The following RALGAPB variants were observed in gnomAD, a reference collection of about 807,000 sequenced individuals.
The protein encoded by RALGAPB is ral GTPase-activating protein subunit beta.
In RALGAPB, 25 loss-of-function variants were observed where a neutral mutation model predicts 161.1. The ratio of observed to expected loss-of-function variants is 0.16; its 90% CI spans 0.11 to 0.22. RALGAPB has a LOEUF of 0.22. Ranked by LOEUF, RALGAPB falls within the 10% of genes least tolerant of loss-of-function variation. The probability of loss-of-function intolerance (pLI) is 1.00; values close to 1 mark genes in which losing one functional copy is unlikely to be tolerated. For synonymous variants in RALGAPB, 629 were observed against 626.1 expected, an observed-to-expected ratio of 1.00 and a Z score of -0.07; for missense variants, 1,391 against 1,815.2, an observed-to-expected ratio of 0.77 and a Z score of 4.25.
In RALGAPB at chr20:38,576,430, C is replaced by T. The variant is rs2088439144; in HGVS notation, c.*1463C>T. On this transcript the variant is annotated 3_prime_UTR_variant, in exon 30 of 30. Transcript: ENST00000262879. ...GAGACCTAATTCCCTGTGCAAATGT[C>T]TCTTATTCCAGAAATGTGCATTTTG... 6.6e-6 allele frequency: 1 copy of T among 152,446 alleles called. No individual in the cohort carries two copies. Among genetic ancestry groups the T allele is most frequent in the Admixed American group, 6.5e-5 (1 of 15,268 alleles). The allele number at this position is 152,446 out of a possible 1,614,324, so 9.4% of individuals were successfully genotyped here.
At chr20:38,571,475 C>T (rs1216860525) in intron 28 of RALGAPB, among the ~76,000 whole-genome samples, 2 of 152,108 alleles carry the variant, frequency 1.3e-5, no homozygotes, top group Non-Finnish European at 1.5e-5. Flanking sequence ...TGGAATTTGT[C>T]TTTTTGTGCC....
chr20:38,492,826 T>C (rs2085317237), intron 2 of RALGAPB, 104 bp from the exon 3 acceptor site: 2 of 880,500 alleles, frequency 2.3e-6, no homozygotes, highest in Non-Finnish European at 3.6e-6. Context: ...ACGAATATAC[T>C]GTCAATTTAG....
intron 1 of RALGAPB, among the ~76,000 whole-genome samples, chr20:38,484,534 GT>G (rs930479505): frequency 2.0e-5 from 3 of 152,104 alleles, no homozygotes; most frequent in African/African-American, 4.8e-5. Flanking sequence ...CTGACATTGT[GT>G]TTTTTTGTTT....
At position 38,521,531 on chromosome 20, in the gene RALGAPB, G is replaced by C; in HGVS notation, c.1452G>C (p.Arg484=). Residue 484 remains arginine (R), a synonymous_variant, in exon 10 of 30, where the codon CGG becomes CGC. Coordinates refer to ENST00000262879, the MANE Select transcript of RALGAPB (RefSeq NM_020336.4). ...ITTQASMEFR[R]KGSQMSTDTM... Reference sequence around the variant, plus strand: ...CACAAGCTAGCATGGAGTTTCGACGGAAAGGGTCACAAATGTCCACAGACA... The same window carrying C: ...CACAAGCTAGCATGGAGTTTCGACGCAAAGGGTCACAAATGTCCACAGACA... 2 of 1,614,086 alleles carry C rather than the reference G, an allele frequency of 1.2e-6. No homozygotes were observed. Among genetic ancestry groups the C allele is most frequent in the South Asian group, 1.1e-5 (1 of 91,074 alleles).
intron 1 of RALGAPB, among the ~76,000 whole-genome samples, chr20:38,485,824 T>C (rs2085096437): frequency 6.6e-6 from 1 of 152,220 alleles, no homozygotes; most frequent in African/African-American, 2.4e-5. Flanking sequence ...CTCTTCATTG[T>C]TTTACTTAAT....
intron 13 of RALGAPB, among the ~76,000 whole-genome samples, chr20:38,526,624 C>T (rs1357965199): frequency 6.6e-6 from 1 of 152,180 alleles, no homozygotes. Context: ...ACAATACTTG[C>T]TAAAGATTAT....
intron 28 of RALGAPB, among the ~76,000 whole-genome samples, chr20:38,571,066 T>G (rs1029098824): frequency 2.0e-5 from 3 of 152,194 alleles, no homozygotes; most frequent in Non-Finnish European, 4.4e-5. Flanking sequence ...CTGATTGACT[T>G]GTTAAAAGCT....
chr20:38,525,533 A>G lies in RALGAPB; in HGVS notation c.1902+15A>G. 2 of 1,533,664 alleles carry G rather than the reference A, an allele frequency of 1.3e-6. No individual in the cohort carries two copies. Among genetic ancestry groups the G allele is most frequent in the East Asian group, 4.5e-5 (2 of 44,418 alleles). Reference sequence around the variant, plus strand: ...TCAAATCTGAGGTAATGTTTTGTTAAAGTTTTTTTATATCCTATATTCTGT... The same window carrying G: ...TCAAATCTGAGGTAATGTTTTGTTAGAGTTTTTTTATATCCTATATTCTGT... On this transcript the variant is annotated intron_variant, in intron 12 of 29. Coordinates refer to ENST00000262879, the MANE Select transcript of RALGAPB (RefSeq NM_020336.4).
At chr20:38,551,015 A>C in intron 20 of RALGAPB, 56 bp from the exon 21 acceptor site, 1 of 1,564,974 alleles carries the variant, frequency 6.4e-7, no homozygotes, top group Non-Finnish European at 8.7e-7. Context: ...AATACATGTC[A>C]TTACAGATGG....
chr20:38,546,490 A>G (rs751899562), intron 19 of RALGAPB, 60 bp downstream of exon 19: 1 of 1,595,816 alleles, frequency 6.3e-7, no homozygotes, highest in Non-Finnish European at 8.6e-7. Context: ...AGTACCATGA[A>G]GCTGTTTCCA....
At chr20:38,492,850 T>TA (rs1213770599) in intron 2 of RALGAPB, 80 bp from the exon 3 acceptor site, 1 of 1,188,528 alleles carries the variant, frequency 8.4e-7, no homozygotes, top group Non-Finnish European at 1.2e-6. Context: ...TTTTTGGCAA[T>TA]AAAAGAGATT....
At chr20:38,491,539 T>C (rs1168418757) in intron 2 of RALGAPB, among the ~76,000 whole-genome samples, 2 of 152,250 alleles carry the variant, frequency 1.3e-5, no homozygotes, top group African/African-American at 4.8e-5. Context: ...TCTAGATTTC[T>C]TGCTAACACC....
chr20:38,480,198 A>G (rs1457534116), intron 1 of RALGAPB, among the ~76,000 whole-genome samples: 1 of 151,466 alleles, frequency 6.6e-6, no homozygotes, highest in African/African-American at 2.4e-5. Flanking sequence ...TACTGAATTA[A>G]TTACAAATAT....
At chr20:38,547,952 C>G (rs572265995) in intron 19 of RALGAPB, 3 of 152,290 alleles carry the variant, frequency 2.0e-5, no homozygotes, top group African/African-American at 7.2e-5. Context: ...CTCCTACTTT[C>G]ATTCCAAATA....
intron 1 of RALGAPB, 61 bp downstream of exon 1, chr20:38,473,130 A>C (rs755744373): frequency 3.0e-5 from 10 of 334,126 alleles, no homozygotes; most frequent in Non-Finnish European, 5.4e-5. Flanking sequence ...TCTCTTCCCC[A>C]CCTGGCGGTC....
chr20:38,531,622 G>A (rs2086652614), intron 14 of RALGAPB, among the ~76,000 whole-genome samples: 1 of 152,126 alleles, frequency 6.6e-6, no homozygotes, highest in Non-Finnish European at 1.5e-5. Flanking sequence ...CTAGACCTAA[G>A]TTTGCAGGTC....
At position 38,521,717 on chromosome 20, in the gene RALGAPB, G is replaced by GT. The variant is rs2086295646; in HGVS notation, c.1619+25dup. The GT allele has an allele frequency of 2.5e-6, 4 of 1,611,222 alleles. No individual in the cohort carries two copies. Among genetic ancestry groups the GT allele is most frequent in the Non-Finnish European group, 3.4e-6 (4 of 1,178,660 alleles). ...TATCCAGGTCTTGGAATTTTTGTTT[G>GT]TTTTTTCATTTATATAGTTTTGATA... On this transcript the variant is annotated intron_variant, in intron 10 of 29. Transcript: ENST00000262879.
chr20:38,553,794 A>AAAC (rs2087473463), intron 21 of RALGAPB, 73 bp from the exon 22 acceptor site: 2 of 887,822 alleles, frequency 2.3e-6, no homozygotes, highest in Non-Finnish European at 3.3e-6. Context: ...AAAAAAAAAA[A>AAAC]AAAAAAACAC....
chr20:38,525,279 T>G, intron 11 of RALGAPB, 125 bp from the exon 12 acceptor site: 1 of 718,746 alleles, frequency 1.4e-6, no homozygotes, highest in East Asian at 2.7e-5. Context: ...ACAGTTTAAC[T>G]TAGAAATATA....
Sources: gnomAD v4.1 joint callset for allele counts (sites outside exome capture counted in the v4.1 genomes callset) on GRCh38, gnomAD v4.1.1 for gene constraint, MANE v1.5 for transcripts, NCBI Gene and HGNC (gene_info 2026-07-23, HGNC 2026-07-21) for gene names.